The following FBXL5 variants were observed in gnomAD, a reference collection of about 807,000 sequenced individuals.
FBXL5 encodes F-box/LRR-repeat protein 5.
In FBXL5, 26 loss-of-function variants were observed where a neutral mutation model predicts 78.3. The observed-to-expected ratio is 0.33, with a 90% CI of 0.24 to 0.46. FBXL5 has a LOEUF of 0.46. FBXL5 is among the 20% of genes least tolerant of loss of function. FBXL5 has a pLI of 1.00. For synonymous variants in FBXL5, 295 were observed against 282.5 expected, an observed-to-expected ratio of 1.04 and a Z score of -0.45; for missense variants, 710 against 829.2, an observed-to-expected ratio of 0.86 and a Z score of 1.77.
At chr4:15,626,813 C>T in intron 8 of FBXL5, 60 bp downstream of exon 8, 1 of 1,227,266 alleles carries the variant, frequency 8.1e-7, no homozygotes, top group South Asian at 1.4e-5. Context: ...ACTGCAATTA[C>T]ATAAATGAAA....
chr4:15,615,406 T>C (rs1711716369), intron 9 of FBXL5, among the ~76,000 whole-genome samples: 1 of 149,902 alleles, frequency 6.7e-6, no homozygotes, highest in East Asian at 2.0e-4. Context: ...GGAGAGTCTT[T>C]ATGTCTAGCT....
chr4:15,620,345 C>CA (rs1712356633), intron 9 of FBXL5, among the ~76,000 whole-genome samples: 1 of 135,120 alleles, frequency 7.4e-6, no homozygotes, highest in Non-Finnish European at 1.6e-5. Flanking sequence ...ATACTGTTGT[C>CA]AATTTTACCC....
At chr4:15,673,936 C>T (rs543958693) in intron 1 of FBXL5, among the ~76,000 whole-genome samples, 2 of 152,224 alleles carry the variant, frequency 1.3e-5, no homozygotes, top group African/African-American at 4.8e-5. Flanking sequence ...TCAAGGTTCA[C>T]TGTCCTTCAT....
chr4:15,647,997 A>T (rs1029311973), intron 1 of FBXL5, among the ~76,000 whole-genome samples: 2 of 152,146 alleles, frequency 1.3e-5, no homozygotes, highest in African/African-American at 4.8e-5. Context: ...AGCTGGAACT[A>T]CAGGTGTGGT....
chr4:15,666,469 A>G (rs1249614463), intron 1 of FBXL5, among the ~76,000 whole-genome samples: 2 of 152,194 alleles, frequency 1.3e-5, no homozygotes, highest in East Asian at 1.9e-4. Flanking sequence ...TTAAACTCAT[A>G]TAAGTAAAGA....
chr4:15,632,644 T>G (rs1252150804), intron 5 of FBXL5, among the ~76,000 whole-genome samples: 1 of 152,224 alleles, frequency 6.6e-6, no homozygotes, highest in East Asian at 1.9e-4. Flanking sequence ...CTTTAAGTTG[T>G]ATTCCTAGGT....
chr4:15,655,162 C>T, intron 1 of FBXL5, 42 bp downstream of exon 1: 1 of 1,345,800 alleles, frequency 7.4e-7, no homozygotes, highest in Non-Finnish European at 9.8e-7. Context: ...CTCCCCATCG[C>T]CGCCCGCACC....
At chr4:15,662,177 C>T (rs560238196), upstream of FBXL5, among the ~76,000 whole-genome samples, 17 of 152,254 alleles carry the variant, frequency 1.1e-4, no homozygotes, top group Middle Eastern at 3.4e-3. Context: ...ACCTAATAAA[C>T]GAAGGGATTA....
At chr4:15,616,984 C>T (rs1456279804) in intron 9 of FBXL5, among the ~76,000 whole-genome samples, 1 of 152,104 alleles carries the variant, frequency 6.6e-6, no homozygotes, top group African/African-American at 2.4e-5. Context: ...CAGATGCTGG[C>T]GAGGTTGTGG....
At chr4:15,626,724 A>G in intron 8 of FBXL5, 149 bp downstream of exon 8, 1 of 613,358 alleles carries the variant, frequency 1.6e-6, no homozygotes. Flanking sequence ...ATGAGTAAGA[A>G]GTGAAGAACT....
At chr4:15,677,055 G>T (rs918542952) in intron 1 of FBXL5, among the ~76,000 whole-genome samples, 4 of 152,144 alleles carry the variant, frequency 2.6e-5, no homozygotes, top group Non-Finnish European at 5.9e-5. Context: ...GTTTATTTCG[G>T]ATATACCGCT....
At position 15,615,187 on chromosome 4, in the gene FBXL5, G is replaced by A. The variant is rs566240070; in HGVS notation, c.1851-2773C>T. Among the ~76,000 whole-genome samples, 5 of 152,290 alleles carry A rather than the reference G, an allele frequency of 3.3e-5. No homozygotes were observed. The South Asian group carries it at 8.3e-4, about 25-fold the overall frequency. ...TCGGGACCTGCAGCCTGCCATGCCT[G>A]AGCCTCCCACCCACTCCATGGGCTC... On this transcript the variant is annotated intron_variant, in intron 9 of 10. Coordinates refer to ENST00000341285, the MANE Select transcript of FBXL5 (RefSeq NM_012161.4).
rs186308373 is a variant in FBXL5, at chr4:15,626,577, A to G, written c.1124+296T>C. Among the ~76,000 whole-genome samples, 6 of 152,370 alleles carry G rather than the reference A, an allele frequency of 3.9e-5. No individual in the cohort carries two copies. The South Asian group carries it at 6.2e-4, about 16-fold the overall frequency. ...TTTGCCAAATGGCACTTAGAGCCCAACTAAAACTAAAACTTCTTAAAAACA... is the reference window on the plus strand; with the variant it reads ...TTTGCCAAATGGCACTTAGAGCCCAGCTAAAACTAAAACTTCTTAAAAACA... On this transcript the variant is annotated intron_variant, in intron 8 of 10. Transcript: ENST00000341285.
chr4:15,657,183 C>T (rs1560245713), upstream of FBXL5, among the ~76,000 whole-genome samples: 3 of 151,964 alleles, frequency 2.0e-5, no homozygotes, highest in South Asian at 6.2e-4. Flanking sequence ...ATTTCTTTAC[C>T]TCATACTAAT....
At chr4:15,680,193 C>T (rs1460964504) in intron 1 of FBXL5, among the ~76,000 whole-genome samples, 3 of 151,736 alleles carry the variant, frequency 2.0e-5, no homozygotes, top group Non-Finnish European at 4.4e-5. Flanking sequence ...TTCTCATCTG[C>T]TTGTATCTCT....
chr4:15,628,117 G>A, intron 6 of FBXL5, 84 bp from the exon 7 acceptor site: 1 of 1,304,432 alleles, frequency 7.7e-7, no homozygotes, highest in Non-Finnish European at 1.1e-6. Context: ...TGTTAAATAT[G>A]ACATACTTTG....
chr4:15,660,898 G>A (rs927716083), upstream of FBXL5, among the ~76,000 whole-genome samples: 1 of 151,946 alleles, frequency 6.6e-6, no homozygotes, highest in African/African-American at 2.4e-5. Flanking sequence ...GCAACATGGC[G>A]AAACTCCATC....
At chr4:15,661,897 T>C (rs931437417), upstream of FBXL5, among the ~76,000 whole-genome samples, 3 of 152,320 alleles carry the variant, frequency 2.0e-5, no homozygotes, top group Admixed American at 6.5e-5. Context: ...AGGTGGCTGT[T>C]GAGAGGCCTC....
At chr4:15,609,960 C>A (rs1285815569) in intron 10 of FBXL5, among the ~76,000 whole-genome samples, 1 of 151,944 alleles carries the variant, frequency 6.6e-6, no homozygotes, top group Non-Finnish European at 1.5e-5. Flanking sequence ...CATTTAGTAA[C>A]CTGATAGTTA....
Sources: gnomAD v4.1 joint callset for allele counts (sites outside exome capture counted in the v4.1 genomes callset) on GRCh38, gnomAD v4.1.1 for gene constraint, MANE v1.5 for transcripts, NCBI Gene and HGNC (gene_info 2026-07-23, HGNC 2026-07-21) for gene names.